Variants in CAMTA1 observed in about 807,000 individuals in gnomAD.
CAMTA1 encodes the protein calmodulin binding transcription activator 1.
A neutral mutation model predicts 170.9 loss-of-function variants in CAMTA1; 27 were observed. The observed-to-expected ratio is 0.16, with a 90% CI of 0.12 to 0.22. The LOEUF (loss-of-function observed/expected upper bound fraction) is 0.22, where lower values mean the gene tolerates loss of function less well. CAMTA1 is among the 10% of genes least tolerant of loss of function. The pLI is 1.00. For missense variants in CAMTA1, 1,619 were observed against 2,217.2 expected, an observed-to-expected ratio of 0.73 and a Z score of 5.42; for synonymous variants, 833 against 891.5, an observed-to-expected ratio of 0.93 and a Z score of 1.17.
In CAMTA1 at chr1:7,518,877, G is replaced by A. The variant is rs146615903; in HGVS notation, c.510+50976G>A. On this transcript the variant is annotated intron_variant, in intron 6 of 22. Coordinates refer to ENST00000303635, the MANE Select transcript of CAMTA1 (RefSeq NM_015215.4). Reference sequence around the variant, plus strand: ...GGCCATACCCTCATTGAGTGCTCCCGAAAAAATGGCCTGTGATGGCTCCAG... The same window carrying A: ...GGCCATACCCTCATTGAGTGCTCCCAAAAAAATGGCCTGTGATGGCTCCAG... 6.6e-5 allele frequency among the ~76,000 whole-genome samples: 10 copies of A among 152,026 alleles called. No homozygotes were observed. In the East Asian group the frequency reaches 1.7e-3, roughly 26 times the overall value.
At position 7,251,116 on chromosome 1, in the gene CAMTA1, C is replaced by T. The variant is rs967925361; in HGVS notation, c.438+1490C>T. Reference sequence around the variant, plus strand: ...CTGCGGGAATTCAAACTGGAAGTCACGGCAGCTCCTGTGCCCGTAGGCCCC... The same window carrying T: ...CTGCGGGAATTCAAACTGGAAGTCATGGCAGCTCCTGTGCCCGTAGGCCCC... On this transcript the variant is annotated intron_variant, in intron 5 of 22. Transcript: ENST00000303635. The surrounding 1 kb of genome is among the most constrained non-coding windows in gnomAD (Gnocchi z 5.1). Among the ~76,000 whole-genome samples the T allele has an allele frequency of 2.0e-5, 3 of 152,206 alleles. No individual in the cohort carries two copies. Among genetic ancestry groups the T allele is most frequent in the East Asian group, 1.9e-4 (1 of 5,176 alleles).
At chr1:7,599,178 A>T (rs2095422313) in intron 6 of CAMTA1, among the ~76,000 whole-genome samples, 2 of 152,258 alleles carry the variant, frequency 1.3e-5, no homozygotes, top group East Asian at 3.9e-4. Context: ...TTTTCCCAGC[A>T]CCATTTATTA....
rs979967580 is a variant in CAMTA1, at chr1:7,673,030, C to T, written c.2779+1993C>T. Among the ~76,000 whole-genome samples the T allele has an allele frequency of 5.3e-5, 8 of 152,290 alleles. No homozygotes were observed. The highest frequency in any genetic ancestry group is 2.1e-4 in the South Asian group (1 of 4,822). On this transcript the variant is annotated intron_variant, in intron 10 of 22. Coordinates refer to ENST00000303635, the MANE Select transcript of CAMTA1 (RefSeq NM_015215.4). The surrounding 1 kb of genome is among the most constrained non-coding windows in gnomAD (Gnocchi z 4.6). Reference sequence around the variant, plus strand: ...TGCAGCTGATGGGACCCCGGCCCGGCGGGAGTGGCGGGGAGGGCACTGTGG... The same window carrying T: ...TGCAGCTGATGGGACCCCGGCCCGGTGGGAGTGGCGGGGAGGGCACTGTGG...
intron 3 of CAMTA1, among the ~76,000 whole-genome samples, chr1:6,905,359 A>G (rs1678198763): frequency 6.6e-6 from 1 of 151,548 alleles, no homozygotes; most frequent in Non-Finnish European, 1.5e-5. Context: ...ACACCTGGCT[A>G]ATTTTTGTGT....
At chr1:7,174,416 A>G (rs1304144556) in intron 4 of CAMTA1, among the ~76,000 whole-genome samples, 2 of 152,256 alleles carry the variant, frequency 1.3e-5, no homozygotes, top group Non-Finnish European at 2.9e-5. Flanking sequence ...ATTTCTATAA[A>G]TCTTGGGAAC....
In CAMTA1 at chr1:7,049,487, C is replaced by T. The variant is rs1263450664; in HGVS notation, c.235-41817C>T. 4.6e-5 allele frequency among the ~76,000 whole-genome samples: 7 copies of T among 152,074 alleles called. No individual in the cohort carries two copies. The East Asian group carries it at 5.8e-4, about 13-fold the overall frequency. On this transcript the variant is annotated intron_variant, in intron 3 of 22. Coordinates refer to ENST00000303635, the MANE Select transcript of CAMTA1 (RefSeq NM_015215.4). ...GTTTTTTTGTTTTGAGATGGAGTCTCGCTCTGTTGCCCAGGCTGGAGTATA... is the reference window on the plus strand; with the variant it reads ...GTTTTTTTGTTTTGAGATGGAGTCTTGCTCTGTTGCCCAGGCTGGAGTATA...
chr1:7,326,339 G>A (rs2082674898), intron 5 of CAMTA1, among the ~76,000 whole-genome samples: 1 of 152,244 alleles, frequency 6.6e-6, no homozygotes, highest in South Asian at 2.1e-4. Flanking sequence ...AGAGATAAAT[G>A]TGTACGTCAT....
chr1:7,510,163 G>A (rs1365958353), intron 6 of CAMTA1, among the ~76,000 whole-genome samples: 1 of 136,238 alleles, frequency 7.3e-6, no homozygotes, highest in African/African-American at 2.6e-5. Context: ...AACACTCCCC[G>A]TTTTCATTAA....
rs79703777 is a variant in CAMTA1 at position 7,662,900 on chromosome 1, G to T, written c.806-453G>T. ...TCCTCACTGGGGCATGGCCTGAGCA[G>T]CTGTGGGAAGTTGGGGAGGGGAGGT... On this transcript the variant is annotated intron_variant, in intron 8 of 22. Transcript: ENST00000303635. Among the ~76,000 whole-genome samples, 696 of 152,284 alleles carry T rather than the reference G, an allele frequency of 4.6e-3. 6 individuals carry two copies. Among genetic ancestry groups the T allele is most frequent in the African/African-American group, 0.016 (667 of 41,558 alleles).
At chr1:6,921,930 T>C (rs1002385544) in intron 3 of CAMTA1, among the ~76,000 whole-genome samples, 1 of 152,150 alleles carries the variant, frequency 6.6e-6, no homozygotes, top group African/African-American at 2.4e-5. Context: ...ACCATATCAG[T>C]GGGGCTGACC....
intron 11 of CAMTA1, among the ~76,000 whole-genome samples, chr1:7,684,697 A>C (rs982198250): frequency 2.0e-5 from 3 of 152,198 alleles, no homozygotes; most frequent in Non-Finnish European, 4.4e-5. Context: ...TGAATTACTA[A>C]TTACATTTGT....
At chr1:7,172,273 C>CT (rs1269656085) in intron 4 of CAMTA1, among the ~76,000 whole-genome samples, 1 of 152,160 alleles carries the variant, frequency 6.6e-6, no homozygotes, top group Non-Finnish European at 1.5e-5. Context: ...CCTCAGCCTC[C>CT]TGAGTAGCTG....
intron 5 of CAMTA1, among the ~76,000 whole-genome samples, chr1:7,279,970 C>T (rs1325023875): frequency 6.6e-6 from 1 of 152,204 alleles, no homozygotes; most frequent in Non-Finnish European, 1.5e-5. Context: ...TCTATGCCAG[C>T]CAGGTCCAGA....
chr1:7,257,806 A>C (rs1047717456), intron 5 of CAMTA1, among the ~76,000 whole-genome samples: 1 of 152,154 alleles, frequency 6.6e-6, no homozygotes, highest in Non-Finnish European at 1.5e-5. Context: ...TTTATCTGAC[A>C]ACCCTCCAAG....
At chr1:6,972,741 A>G (rs957903589) in intron 3 of CAMTA1, among the ~76,000 whole-genome samples, 3 of 152,160 alleles carry the variant, frequency 2.0e-5, no homozygotes, top group African/African-American at 7.2e-5. Context: ...TCTGTCTCCA[A>G]ACACAGCCTG....
intron 5 of CAMTA1, among the ~76,000 whole-genome samples, chr1:7,305,192 A>G (rs899418472): frequency 2.0e-5 from 3 of 151,968 alleles, no homozygotes; most frequent in Non-Finnish European, 2.9e-5. Context: ...TTTTTGGACT[A>G]TCTATTCTGT....
At chr1:7,438,023 GA>G (rs1489215453) in intron 5 of CAMTA1, among the ~76,000 whole-genome samples, 2 of 152,250 alleles carry the variant, frequency 1.3e-5, no homozygotes, top group African/African-American at 4.8e-5. Context: ...GCCTTGCTGA[GA>G]GTGGGACGTT....
intron 6 of CAMTA1, among the ~76,000 whole-genome samples, chr1:7,511,873 T>C (rs771077084): frequency 7.2e-5 from 11 of 152,194 alleles, no homozygotes; most frequent in Non-Finnish European, 1.3e-4. Context: ...CACCATCCCC[T>C]GGGAGACAAG....
Position 7,532,206 on chromosome 1 carries a change from G to A in CAMTA1, c.510+64305G>A, listed in dbSNP as rs567875922. 1.2e-4 allele frequency among the ~76,000 whole-genome samples: 19 copies of A among 152,348 alleles called. No homozygotes were observed. The highest frequency in any genetic ancestry group is 4.6e-4 in the African/African-American group (19 of 41,596). ...GCCAGTCCTTCCTGTGTGGCCTTCG[G>A]ATTCTTGGTGGAGGGGACATTCTTG... is the stretch of plus-strand genomic sequence containing the variant. On this transcript the variant is annotated intron_variant, in intron 6 of 22. Coordinates refer to ENST00000303635, the MANE Select transcript of CAMTA1 (RefSeq NM_015215.4). This position sits in a 1 kb window ranked among gnomAD's most constrained non-coding sequence, Gnocchi z 4.2.
Sources: allele counts gnomAD v4.1 joint callset (sites outside exome capture counted in the v4.1 genomes callset), GRCh38; gene constraint gnomAD v4.1.1; non-coding constraint Gnocchi (gnomAD v3.1); transcripts MANE v1.5; gene names NCBI Gene and HGNC (gene_info 2026-07-23, HGNC 2026-07-21).